CCDC134: variants seen among roughly 807,000 people sequenced by gnomAD.
The protein encoded by CCDC134 is coiled-coil domain-containing protein 134.
CCDC134 carries 27 observed loss-of-function variants against 25.6 expected under a neutral mutation model. The observed-to-expected ratio is 1.05, with a 90% CI of 0.78 to 1.45. The LOEUF (loss-of-function observed/expected upper bound fraction) is 1.45, where lower values mean the gene tolerates loss of function less well. CCDC134 is among the 40% of genes most tolerant of loss of function. The probability of loss-of-function intolerance (pLI) is 0.00; values close to 1 mark genes in which losing one functional copy is unlikely to be tolerated. For synonymous variants in CCDC134, 110 were observed against 115.0 expected, an observed-to-expected ratio of 0.96 and a Z score of 0.28; for missense variants, 261 against 286.7, an observed-to-expected ratio of 0.91 and a Z score of 0.65.
chr22:41,829,139 C>T lies in CCDC134; in HGVS notation c.*3316C>T, dbSNP rs556755410. Among the ~76,000 whole-genome samples the T allele has an allele frequency of 6.6e-6, 1 of 152,274 alleles. No homozygotes were observed. The highest frequency in any genetic ancestry group is 6.5e-5 in the Admixed American group (1 of 15,306). ...AACCAAAAATGTGTCCAGACATTGCCAGATGTCCACTGGGAGGGAAAACCT... is the reference window on the plus strand; with the variant it reads ...AACCAAAAATGTGTCCAGACATTGCTAGATGTCCACTGGGAGGGAAAACCT... On this transcript the variant is annotated 3_prime_UTR_variant, in exon 7 of 7. Coordinates refer to ENST00000255784, the MANE Select transcript of CCDC134 (RefSeq NM_024821.5).
intron 1 of CCDC134, among the ~76,000 whole-genome samples, chr22:41,806,213 A>G (rs1296913449): frequency 7.1e-6 from 1 of 141,644 alleles, no homozygotes. Context: ...TTAGGCGACT[A>G]ATTTTTTTTT....
At chr22:41,807,707 T>C (rs1055095207) in intron 1 of CCDC134, among the ~76,000 whole-genome samples, 6 of 152,104 alleles carry the variant, frequency 3.9e-5, no homozygotes, top group Non-Finnish European at 8.8e-5. Context: ...ACCAGGAAAG[T>C]GAACTTCACA....
Position 41,828,430 on chromosome 22 carries a change from T to A in CCDC134, c.*2607T>A, listed in dbSNP as rs1053238895. ...CAAAGAGTGGGGCCTGGTCTTGAAC[T>A]ATCTCCTCATCTGCCCCTTCTGGCA... On this transcript the variant is annotated 3_prime_UTR_variant, in exon 7 of 7. Transcript: ENST00000255784. Among the ~76,000 whole-genome samples, 1 of 152,188 alleles carries A rather than the reference T, an allele frequency of 6.6e-6. No homozygotes were observed. Among genetic ancestry groups the A allele is most frequent in the African/African-American group, 2.4e-5 (1 of 41,428 alleles).
rs1049374543 is a variant in CCDC134 at position 41,829,713 on chromosome 22, C to G, written c.*3890C>G. ...TGTGACCCGTAGCACATGCCCAATC[C>G]ATGGTAGATATCGAAACATAGTGGT... On this transcript the variant is annotated 3_prime_UTR_variant, in exon 7 of 7. Transcript: ENST00000255784. Among the ~76,000 whole-genome samples the G allele has an allele frequency of 6.6e-6, 1 of 152,318 alleles. No homozygotes were observed. The highest frequency in any genetic ancestry group is 2.1e-4 in the South Asian group (1 of 4,828).
At position 41,828,394 on chromosome 22, in the gene CCDC134, A is replaced by G. The variant is rs2076689373; in HGVS notation, c.*2571A>G. Among the ~76,000 whole-genome samples, 1 of 152,112 alleles carries G rather than the reference A, an allele frequency of 6.6e-6. No homozygotes were observed. The highest frequency in any genetic ancestry group is 6.5e-5 in the Admixed American group (1 of 15,274). On this transcript the variant is annotated 3_prime_UTR_variant, in exon 7 of 7. Coordinates refer to ENST00000255784, the MANE Select transcript of CCDC134 (RefSeq NM_024821.5). ...CATGTATTTACTGACTGCCTGCTAT[A>G]TATGCAGAGCCAAAGAGTGGGGCCT...
At position 41,803,806 on chromosome 22, in the gene CCDC134, G is replaced by A. The variant is rs142999900; in HGVS notation, c.-17+3040G>A. On this transcript the variant is annotated intron_variant, in intron 1 of 6. Transcript: ENST00000255784. ...AAATAAATAAATAGGAAAATAGGAA[G>A]TAATAGCAATGTGATAATCTCAGTT... Among the ~76,000 whole-genome samples the A allele has an allele frequency of 3.9e-5, 6 of 152,086 alleles. No individual in the cohort carries two copies. In the East Asian group the frequency reaches 1.2e-3, roughly 29 times the overall value.
At chr22:41,801,374 T>G (rs2076542793) in intron 1 of CCDC134, among the ~76,000 whole-genome samples, 1 of 152,104 alleles carries the variant, frequency 6.6e-6, no homozygotes, top group Admixed American at 6.6e-5. Context: ...ATCTCTCCCC[T>G]GGGGCAGGTG....
intron 6 of CCDC134, among the ~76,000 whole-genome samples, chr22:41,817,730 TTAAA>T (rs139570): frequency 0.21 from 29,408 of 141,566 alleles, 3,187 homozygotes; most frequent in South Asian, 0.3. Flanking sequence ...AGACTCTGTC[TTAAA>T]TAAATAAATA....
chr22:41,801,251 G>A (rs1378630759), intron 1 of CCDC134, among the ~76,000 whole-genome samples: 3 of 152,112 alleles, frequency 2.0e-5, no homozygotes, highest in African/African-American at 7.2e-5. Context: ...GGAATGTGGA[G>A]GGTCCTGGGT....
chr22:41,809,702 A>G lies in CCDC134; in HGVS notation c.104-177A>G, dbSNP rs998620748. 3.3e-5 allele frequency among the ~76,000 whole-genome samples: 5 copies of G among 152,158 alleles called. No homozygotes were observed. In the East Asian group the frequency reaches 7.7e-4, roughly 23 times the overall value. On this transcript the variant is annotated intron_variant, in intron 2 of 6. Transcript: ENST00000255784. ...GTGGAGCGCCATGGGAACTGGATGA[A>G]TAGTGCGTTGCAGGTCCATGCACTT...
In CCDC134 at chr22:41,829,696, G is replaced by A. The variant is rs2076695853; in HGVS notation, c.*3873G>A. Among the ~76,000 whole-genome samples the A allele has an allele frequency of 6.6e-6, 1 of 152,184 alleles. No individual in the cohort carries two copies. On this transcript the variant is annotated 3_prime_UTR_variant, in exon 7 of 7. Coordinates refer to ENST00000255784, the MANE Select transcript of CCDC134 (RefSeq NM_024821.5). ...TATACAAAATTATCTTCTGTGACCC[G>A]TAGCACATGCCCAATCCATGGTAGA...
chr22:41,823,379 C>T (rs1286390147), intron 6 of CCDC134, among the ~76,000 whole-genome samples: 1 of 151,996 alleles, frequency 6.6e-6, no homozygotes, highest in African/African-American at 2.4e-5. Flanking sequence ...CGCCCATCAC[C>T]ACACCTGACT....
chr22:41,805,582 C>T (rs1271575179), intron 1 of CCDC134, among the ~76,000 whole-genome samples: 1 of 152,000 alleles, frequency 6.6e-6, no homozygotes, highest in East Asian at 1.9e-4. Flanking sequence ...AAAAAGTTTC[C>T]TTAAATTTAG....
At position 41,813,422 on chromosome 22, in the gene CCDC134, C is replaced by A. The variant is rs781027539; in HGVS notation, c.469C>A (p.Pro157Thr). The A allele has an allele frequency of 6.2e-7, 1 of 1,614,184 alleles. No individual in the cohort carries two copies. Among genetic ancestry groups the A allele is most frequent in the South Asian group, 1.1e-5 (1 of 91,084 alleles). The change falls in exon 5 of 7, where the codon CCC becomes ACC. Residue 157 changes from proline (P) to threonine (T), a missense_variant. Transcript: ENST00000255784. ...CNQTGVFNQG[P>T]HSPILSLMAQ... is the part of the protein sequence containing the mutation. The stretch of plus-strand genomic sequence containing the variant: ...CCAGACAGGCGTCTTCAACCAGGGG[C>A]CCCACTCGCCCATCCTCAGCCTGGT...
In CCDC134 at chr22:41,832,047, TATTG is replaced by T. The variant is rs1434051962; in HGVS notation, c.*6227_*6230del. ...TCCACACAGCCTGTGTGTTCTTAATTATTGATCACTAAGCAACAGCTGCCTCTCA... is the reference window on the plus strand; with the variant it reads ...TCCACACAGCCTGTGTGTTCTTAATTATCACTAAGCAACAGCTGCCTCTCA... On this transcript the variant is annotated 3_prime_UTR_variant, in exon 7 of 7. Transcript: ENST00000255784. 1 of 152,210 alleles carries T rather than the reference TATTG, an allele frequency of 6.6e-6. No individual in the cohort carries two copies. The highest frequency in any genetic ancestry group is 1.5e-5 in the Non-Finnish European group (1 of 68,040). The allele number at this position is 152,210 out of a possible 1,614,324, so 9.4% of individuals were successfully genotyped here. A position where few individuals can be genotyped will look rare whatever the true frequency, so the allele number is the denominator to read the frequency against.
chr22:41,819,996 T>TATATATATATATATAGATATATATAG (rs1019930583), intron 6 of CCDC134, among the ~76,000 whole-genome samples: 1 of 132,396 alleles, frequency 7.6e-6, no homozygotes, highest in African/African-American at 3.1e-5. Flanking sequence ...TATATATATA[T>TATATATATATATATAGATATATATAG]ATAATTTTTT....
chr22:41,810,428 C>T (rs2076589483), intron 4 of CCDC134, 137 bp downstream of exon 4: 2 of 652,428 alleles, frequency 3.1e-6, no homozygotes, highest in Non-Finnish European at 5.2e-6. Flanking sequence ...TCCCCTTGGG[C>T]AGATGGGCGT....
At chr22:41,815,903 G>A (rs2076620651) in intron 6 of CCDC134, among the ~76,000 whole-genome samples, 1 of 152,156 alleles carries the variant, frequency 6.6e-6, no homozygotes, top group East Asian at 1.9e-4. Context: ...TCCTGTCTCA[G>A]CCTCCCAAAG....
Position 41,827,410 on chromosome 22 carries a change from G to A in CCDC134, c.*1587G>A, listed in dbSNP as rs2076684971. ...CTGTGAACTAAAGGGCTGGTCCATG[G>A]CATTAACAGTGGAGGGTGTCCAGGT... On this transcript the variant is annotated 3_prime_UTR_variant, in exon 7 of 7. Transcript: ENST00000255784. Among the ~76,000 whole-genome samples, 1 of 152,200 alleles carries A rather than the reference G, an allele frequency of 6.6e-6. No individual in the cohort carries two copies. Among genetic ancestry groups the A allele is most frequent in the Non-Finnish European group, 1.5e-5 (1 of 68,032 alleles).
Sources: gnomAD v4.1 joint callset for allele counts (sites outside exome capture counted in the v4.1 genomes callset) on GRCh38, gnomAD v4.1.1 for gene constraint, MANE v1.5 for transcripts, NCBI Gene and HGNC (gene_info 2026-07-23, HGNC 2026-07-21) for gene names.